The following PTPRM variants were observed in gnomAD, a reference collection of about 807,000 sequenced individuals.
PTPRM encodes receptor-type tyrosine-protein phosphatase mu.
In PTPRM, 47 loss-of-function variants were observed where a neutral mutation model predicts 186.7. That is an observed-to-expected ratio of 0.25 (90% CI 0.20 to 0.32). The LOEUF (loss-of-function observed/expected upper bound fraction) is 0.32, where lower values mean the gene tolerates loss of function less well. Among genes scored for constraint, PTPRM ranks in the 10% least tolerant of loss-of-function variants. The probability of loss-of-function intolerance (pLI) is 1.00; values close to 1 mark genes in which losing one functional copy is unlikely to be tolerated. For synonymous variants in PTPRM, 668 were observed against 674.9 expected (o/e 0.99, Z 0.16); for missense variants, 1,494 against 1,865.0 (o/e 0.80, Z 3.66).
At position 8,088,734 on chromosome 18, in the gene PTPRM, C is replaced by A; in HGVS notation, c.1754-15C>A. 1 of 1,570,236 alleles carries A rather than the reference C, an allele frequency of 6.4e-7. No homozygotes were observed. The highest frequency in any genetic ancestry group is 8.8e-7 in the Non-Finnish European group (1 of 1,140,718). On this transcript the variant is annotated splice_polypyrimidine_tract_variant and intron_variant, in intron 10 of 32. Transcript: ENST00000580170. The stretch of plus-strand genomic sequence containing the variant: ...CAGAAATAATGAGTCTCCCATTCTA[C>A]GCCTTTTTCCCCAGCACCCTCTATG...
At chr18:7,638,687 T>G (rs907060498) in intron 1 of PTPRM, among the ~76,000 whole-genome samples, 2 of 152,362 alleles carry the variant, frequency 1.3e-5, no homozygotes, top group Admixed American at 1.3e-4. Flanking sequence ...ATTTGTTATT[T>G]AAGTATTATT....
chr18:7,793,002 C>T (rs950210351), intron 2 of PTPRM, among the ~76,000 whole-genome samples: 8 of 152,038 alleles, frequency 5.3e-5, no homozygotes, highest in Non-Finnish European at 8.8e-5. Flanking sequence ...CATAGATGGC[C>T]CTTGAGATTT....
At chr18:8,087,789 G>A (rs578217952) in intron 10 of PTPRM, among the ~76,000 whole-genome samples, 1 of 152,082 alleles carries the variant, frequency 6.6e-6, no homozygotes, top group African/African-American at 2.4e-5. Context: ...GTATATGTAA[G>A]ACAATTTTAA....
intron 1 of PTPRM, among the ~76,000 whole-genome samples, chr18:7,667,628 A>T (rs1598335106): frequency 6.6e-6 from 1 of 152,254 alleles, no homozygotes; most frequent in African/African-American, 2.4e-5. Flanking sequence ...TTAATGAATT[A>T]TTGAACATAT....
At chr18:7,955,053 T>A in intron 6 of PTPRM, 68 bp from the exon 7 acceptor site, 1 of 1,388,410 alleles carries the variant, frequency 7.2e-7, no homozygotes, top group Non-Finnish European at 9.7e-7. Context: ...TAATAATTGA[T>A]GCATGTTTAG....
rs1412139635 is a variant in PTPRM, at chr18:8,258,597, CT to C, written c.2754+5184del. 4.6e-5 allele frequency among the ~76,000 whole-genome samples: 7 copies of C among 151,964 alleles called. No homozygotes were observed. The South Asian group carries it at 1.2e-3, about 27-fold the overall frequency. On this transcript the variant is annotated intron_variant, in intron 19 of 32. Transcript: ENST00000580170. The stretch of plus-strand genomic sequence containing the variant: ...TTATGCCTCAATTTTTGAACTGATT[CT>C]AAGTCCCTTTGGGGATCCAAGCAGA...
At chr18:8,241,321 A>G (rs963683086) in intron 14 of PTPRM, among the ~76,000 whole-genome samples, 1 of 152,188 alleles carries the variant, frequency 6.6e-6, no homozygotes, top group African/African-American at 2.4e-5. Flanking sequence ...CTGGGATGAC[A>G]AAATGAGACT....
chr18:8,220,003 C>A (rs2094137005), intron 14 of PTPRM, among the ~76,000 whole-genome samples: 1 of 152,036 alleles, frequency 6.6e-6, no homozygotes, highest in Non-Finnish European at 1.5e-5. Context: ...GTGTGTCTGA[C>A]CTCCCCATCA....
At chr18:8,271,565 T>A (rs887440759) in intron 19 of PTPRM, among the ~76,000 whole-genome samples, 3 of 152,032 alleles carry the variant, frequency 2.0e-5, no homozygotes, top group Admixed American at 1.3e-4. Flanking sequence ...TTTATTCTCT[T>A]AAAATTATTT....
At chr18:7,784,563 G>C (rs2043008695) in intron 2 of PTPRM, among the ~76,000 whole-genome samples, 1 of 152,154 alleles carries the variant, frequency 6.6e-6, no homozygotes, top group South Asian at 2.1e-4. Flanking sequence ...TATGGCACTA[G>C]AAATTATGTT....
At chr18:8,018,575 G>A (rs2085019437) in intron 7 of PTPRM, among the ~76,000 whole-genome samples, 1 of 152,120 alleles carries the variant, frequency 6.6e-6, no homozygotes, top group South Asian at 2.1e-4. Context: ...CAATAATAGA[G>A]AATCAACTCC....
intron 14 of PTPRM, among the ~76,000 whole-genome samples, chr18:8,210,916 C>A (rs867271353): frequency 6.6e-6 from 1 of 152,186 alleles, no homozygotes; most frequent in South Asian, 2.1e-4. Context: ...AAGGAACATT[C>A]ATCTTGACCA....
intron 5 of PTPRM, among the ~76,000 whole-genome samples, chr18:7,947,693 C>G (rs940682644): frequency 1.3e-5 from 2 of 152,122 alleles, no homozygotes; most frequent in Admixed American, 1.3e-4. Context: ...TCTCACCCTT[C>G]CCCTTTGCCT....
intron 13 of PTPRM, among the ~76,000 whole-genome samples, chr18:8,126,027 A>ATATATTTTTTTTTTTT (rs57751538): frequency 1.3e-4 from 9 of 69,530 alleles, no homozygotes; most frequent in African/African-American, 1.9e-4. Flanking sequence ...ATATATATAT[A>ATATATTTTTTTTTTTT]TTTTAAATCA....
intron 1 of PTPRM, among the ~76,000 whole-genome samples, chr18:7,701,971 A>G (rs1374106425): frequency 6.6e-6 from 1 of 151,922 alleles, no homozygotes; most frequent in Non-Finnish European, 1.5e-5. Flanking sequence ...TTCTTGTGTT[A>G]GTTTGCTGAG....
At chr18:8,010,996 T>G (rs1345915456) in intron 7 of PTPRM, among the ~76,000 whole-genome samples, 1 of 152,166 alleles carries the variant, frequency 6.6e-6, no homozygotes, top group Non-Finnish European at 1.5e-5. Flanking sequence ...GCAAAACATA[T>G]AAGAGGCATT....
chr18:8,038,255 A>C (rs544675559), intron 7 of PTPRM, among the ~76,000 whole-genome samples: 7 of 152,218 alleles, frequency 4.6e-5, no homozygotes, highest in African/African-American at 1.7e-4. Flanking sequence ...TTGTCATATT[A>C]ATCATATTTT....
At chr18:7,768,650 T>TA (rs1568102052) in intron 1 of PTPRM, among the ~76,000 whole-genome samples, 99 of 30,414 alleles carry the variant, frequency 3.3e-3, no homozygotes, top group East Asian at 0.029. Context: ...ATATATATAT[T>TA]TTTTTTTTTT....
At chr18:7,888,006 T>C (rs774576547) in intron 2 of PTPRM, 100 bp from the exon 3 acceptor site, 3 of 1,394,424 alleles carry the variant, frequency 2.2e-6, no homozygotes, top group South Asian at 2.3e-5. Context: ...AAGTAAGACA[T>C]GGAATTGCAG....
Sources: allele counts gnomAD v4.1 joint callset (sites outside exome capture counted in the v4.1 genomes callset), GRCh38; gene constraint gnomAD v4.1.1; transcripts MANE v1.5; gene names NCBI Gene and HGNC (gene_info 2026-07-23, HGNC 2026-07-21).